Variants in COL24A1 observed in about 807,000 individuals in gnomAD.
COL24A1 encodes collagen type XXIV alpha 1 chain.
Under a neutral mutation model 253.9 loss-of-function variants are expected in COL24A1, and 224 were observed. The observed-to-expected ratio is 0.88, with a 90% CI of 0.79 to 0.99. COL24A1 has a LOEUF of 0.99. COL24A1 is among the 50% of genes least tolerant of loss of function. COL24A1 has a pLI of 0.00. For synonymous variants in COL24A1, 685 were observed against 673.7 expected (o/e 1.02, Z -0.26); for missense variants, 2,131 against 2,068.5 (o/e 1.03, Z -0.59).
intron 33 of COL24A1, among the ~76,000 whole-genome samples, chr1:85,876,833 T>A (rs946551972): frequency 1.3e-5 from 2 of 152,218 alleles, no homozygotes; most frequent in Non-Finnish European, 2.9e-5. Flanking sequence ...GGGCATATAA[T>A]ATCTTAGGAT....
rs369478671 is a variant in COL24A1, at chr1:85,795,761, T to C, written c.3952-9300A>G. On this transcript the variant is annotated intron_variant, in intron 47 of 59. Transcript: ENST00000370571. ...ATTAATTTAAAATTAATTTACTTTCTGTAGTACAAATATAATATCCTAGAT... is the reference window on the plus strand; with the variant it reads ...ATTAATTTAAAATTAATTTACTTTCCGTAGTACAAATATAATATCCTAGAT... Among the ~76,000 whole-genome samples, 11 of 152,280 alleles carry C rather than the reference T, an allele frequency of 7.2e-5. No homozygotes were observed. In the East Asian group the frequency reaches 1.7e-3, roughly 24 times the overall value.
intron 47 of COL24A1, among the ~76,000 whole-genome samples, chr1:85,791,459 G>T (rs981516933): frequency 6.6e-6 from 1 of 152,076 alleles, no homozygotes; most frequent in Admixed American, 6.6e-5. Context: ...AGCATATGGT[G>T]GGTAGATTTT....
intron 5 of COL24A1, among the ~76,000 whole-genome samples, chr1:86,105,276 A>G (rs1300481356): frequency 6.6e-6 from 1 of 152,198 alleles, no homozygotes; most frequent in Non-Finnish European, 1.5e-5. Context: ...CCGGTGGAAC[A>G]AGGAAGGCAA....
intron 7 of COL24A1, among the ~76,000 whole-genome samples, chr1:86,066,427 G>C (rs938607238): frequency 1.3e-5 from 2 of 151,384 alleles, no homozygotes; most frequent in Non-Finnish European, 2.9e-5. Flanking sequence ...TGTATTTTTA[G>C]TAGAGATGGG....
intron 53 of COL24A1, among the ~76,000 whole-genome samples, chr1:85,772,773 T>C (rs901476313): frequency 1.3e-5 from 2 of 152,232 alleles, no homozygotes; most frequent in African/African-American, 4.8e-5. Flanking sequence ...ATATTAGCCC[T>C]TTGTCAGATG....
intron 3 of COL24A1, among the ~76,000 whole-genome samples, chr1:86,117,122 G>A (rs866026654): frequency 6.6e-6 from 1 of 152,218 alleles, no homozygotes; most frequent in South Asian, 2.1e-4. Context: ...GTTTGGTTTA[G>A]TGTCCTGTCT....
intron 20 of COL24A1, among the ~76,000 whole-genome samples, chr1:85,972,265 G>A (rs1008818210): frequency 1.3e-5 from 2 of 152,010 alleles, no homozygotes; most frequent in Non-Finnish European, 2.9e-5. Context: ...CTATACCAAA[G>A]AGCAAATCTA....
Position 85,784,275 on chromosome 1 carries a change from C to T in COL24A1, c.4151G>A (p.Gly1384Asp), listed in dbSNP as rs1669439477. The T allele has an allele frequency of 1.2e-6, 2 of 1,613,910 alleles. No homozygotes were observed. The highest frequency in any genetic ancestry group is 1.3e-5 in the African/African-American group (1 of 74,910). Reference protein sequence around the residue: ...QGDQGPCGDPGLKGQPGEYGV... With the variant: ...QGDQGPCGDPDLKGQPGEYGV... ...GGTACATACAGGCTGCCCTTTCAGG[C>T]CAGGGTCTCCACATGGTCCTTGATC... The change falls in exon 49 of 60, where the codon GGC (glycine) becomes GAC (aspartate). Residue 1384 changes from glycine to aspartate, a missense_variant. Coordinates refer to ENST00000370571, the MANE Select transcript of COL24A1 (RefSeq NM_152890.7).
chr1:85,844,241 T>C (rs1676931001), intron 39 of COL24A1, among the ~76,000 whole-genome samples: 1 of 152,132 alleles, frequency 6.6e-6, no homozygotes, highest in Admixed American at 6.6e-5. Flanking sequence ...ATCCTCTGGC[T>C]ATAATGCAAT....
At chr1:85,956,857 T>C (rs1690516060) in intron 24 of COL24A1, among the ~76,000 whole-genome samples, 1 of 152,290 alleles carries the variant, frequency 6.6e-6, no homozygotes, top group Middle Eastern at 3.4e-3. Flanking sequence ...ATCCTACTCA[T>C]GAAGAAAGCT....
At chr1:85,809,137 C>A (rs577135949) in intron 47 of COL24A1, among the ~76,000 whole-genome samples, 2 of 152,252 alleles carry the variant, frequency 1.3e-5, no homozygotes, top group East Asian at 3.9e-4. Flanking sequence ...AATCTTGTGA[C>A]CTCTGGCCAT....
chr1:85,866,985 T>C (rs1320660350), intron 37 of COL24A1, among the ~76,000 whole-genome samples: 1 of 152,208 alleles, frequency 6.6e-6, no homozygotes, highest in Non-Finnish European at 1.5e-5. Flanking sequence ...ATTCTTCAAA[T>C]GTTACTTTGA....
intron 24 of COL24A1, among the ~76,000 whole-genome samples, chr1:85,950,468 A>C (rs1689781002): frequency 6.6e-6 from 1 of 152,184 alleles, no homozygotes. Flanking sequence ...GAAAATACTA[A>C]GAGGAGGGGG....
intron 35 of COL24A1, among the ~76,000 whole-genome samples, chr1:85,869,859 G>C (rs1050839739): frequency 1.3e-5 from 2 of 152,040 alleles, no homozygotes; most frequent in Admixed American, 1.3e-4. Flanking sequence ...ATTAACCTTA[G>C]ATGTAAATGG....
At chr1:86,123,626 A>T (rs1176278331) in intron 3 of COL24A1, among the ~76,000 whole-genome samples, 1 of 152,020 alleles carries the variant, frequency 6.6e-6, no homozygotes, top group Admixed American at 6.6e-5. Flanking sequence ...TGCTCATCTG[A>T]TCAGACTGAC....
chr1:86,081,569 A>G (rs1477865135), intron 7 of COL24A1, among the ~76,000 whole-genome samples: 2 of 152,130 alleles, frequency 1.3e-5, no homozygotes, highest in East Asian at 1.9e-4. Context: ...AAAATATCAC[A>G]TAGGTTTATC....
intron 24 of COL24A1, among the ~76,000 whole-genome samples, chr1:85,941,707 A>G (rs1223136037): frequency 6.6e-6 from 1 of 152,186 alleles, no homozygotes; most frequent in Non-Finnish European, 1.5e-5. Context: ...ACCACTAAGA[A>G]ACTATTTCCT....
rs1470380463 is a variant in COL24A1, at chr1:85,907,666, A to G, written c.2725-419T>C. Reference sequence around the variant, plus strand: ...GATATTTATGCCAATCCCATCACATAAAAATAGTTTTTTTGTTATAAAAAT... The same window carrying G: ...GATATTTATGCCAATCCCATCACATGAAAATAGTTTTTTTGTTATAAAAAT... On this transcript the variant is annotated intron_variant, in intron 27 of 59. Transcript: ENST00000370571. Among the ~76,000 whole-genome samples, 2 of 151,854 alleles carry G rather than the reference A, an allele frequency of 1.3e-5. 1 individual carries two copies. The highest frequency in any genetic ancestry group is 1.3e-4 in the Admixed American group (2 of 15,214).
chr1:86,097,914 T>C (rs1215925809), intron 5 of COL24A1, among the ~76,000 whole-genome samples: 2 of 152,164 alleles, frequency 1.3e-5, no homozygotes, highest in Non-Finnish European at 1.5e-5. Flanking sequence ...GTGATCTCAG[T>C]TGAATATGTC....
Sources: allele counts gnomAD v4.1 joint callset (sites outside exome capture counted in the v4.1 genomes callset), GRCh38; gene constraint gnomAD v4.1.1; transcripts MANE v1.5; gene names NCBI Gene and HGNC (gene_info 2026-07-23, HGNC 2026-07-21).